The following SDCCAG8 variants were observed in gnomAD, a reference collection of about 807,000 sequenced individuals.
The protein encoded by SDCCAG8 is SHH signaling and ciliogenesis regulator SDCCAG8, also known as serologically defined colon cancer antigen 8.
In SDCCAG8, 74 loss-of-function variants were observed where a neutral mutation model predicts 101.8. The observed-to-expected ratio is 0.73, with a 90% CI of 0.60 to 0.88. SDCCAG8 has a LOEUF of 0.88. Among genes scored for constraint, SDCCAG8 ranks in the 40% least tolerant of loss-of-function variants. The pLI is 0.00. For missense variants in SDCCAG8, 787 were observed against 822.6 expected (o/e 0.96, Z 0.53); for synonymous variants, 281 against 292.9 (o/e 0.96, Z 0.41).
chr1:243,353,942 AT>A, intron 12 of SDCCAG8, among the ~76,000 whole-genome samples: 1 of 152,248 alleles, frequency 6.6e-6, no homozygotes, highest in Non-Finnish European at 1.5e-5. Flanking sequence ...TTAGAGTCAT[AT>A]AGGATTGTTT....
intron 6 of SDCCAG8, among the ~76,000 whole-genome samples, chr1:243,301,532 C>T (rs1050872933): frequency 3.9e-5 from 6 of 152,092 alleles, no homozygotes; most frequent in African/African-American, 1.2e-4. Flanking sequence ...GTCTGCATCC[C>T]CATTTCAAGT....
intron 17 of SDCCAG8, among the ~76,000 whole-genome samples, chr1:243,490,248 C>T (rs1434181150): frequency 6.6e-6 from 1 of 152,256 alleles, no homozygotes; most frequent in Non-Finnish European, 1.5e-5. Context: ...CACCCAGGCG[C>T]CACGGAGCTA....
At chr1:243,387,026 A>G (rs774133437) in intron 13 of SDCCAG8, among the ~76,000 whole-genome samples, 1 of 152,214 alleles carries the variant, frequency 6.6e-6, no homozygotes, top group Non-Finnish European at 1.5e-5. Flanking sequence ...TATTTTTGAC[A>G]TGTCCAAATA....
intron 12 of SDCCAG8, among the ~76,000 whole-genome samples, chr1:243,364,847 G>A (rs2076907836): frequency 6.6e-6 from 1 of 151,792 alleles, no homozygotes; most frequent in Non-Finnish European, 1.5e-5. Flanking sequence ...GAAATAGTAT[G>A]TATGGCTTTA....
chr1:243,291,876 C>T (rs760401918), intron 5 of SDCCAG8, among the ~76,000 whole-genome samples: 8 of 152,176 alleles, frequency 5.3e-5, no homozygotes, highest in Non-Finnish European at 8.8e-5. Context: ...TCTTGGTTAT[C>T]CACAATTCTG....
At chr1:243,392,742 A>C (rs550445527) in intron 13 of SDCCAG8, among the ~76,000 whole-genome samples, 1 of 152,218 alleles carries the variant, frequency 6.6e-6, no homozygotes, top group African/African-American at 2.4e-5. Context: ...TAACTAATCA[A>C]CTTTTTAGAT....
chr1:243,277,701 T>C (rs1208545760), intron 4 of SDCCAG8, among the ~76,000 whole-genome samples: 1 of 152,234 alleles, frequency 6.6e-6, no homozygotes, highest in Non-Finnish European at 1.5e-5. Context: ...CTTTTAACTT[T>C]GTGTTTAAAA....
chr1:243,261,372 G>A (rs1443220313), intron 1 of SDCCAG8, among the ~76,000 whole-genome samples: 1 of 152,216 alleles, frequency 6.6e-6, no homozygotes, highest in Non-Finnish European at 1.5e-5. Flanking sequence ...GGAAATGAGA[G>A]TAAGGAGTTG....
At chr1:243,461,787 G>A (rs764370655) in intron 16 of SDCCAG8, among the ~76,000 whole-genome samples, 1 of 152,228 alleles carries the variant, frequency 6.6e-6, no homozygotes, top group East Asian at 1.9e-4. Flanking sequence ...TTAGCGTCAA[G>A]GGAGGTGTTT....
Position 243,413,156 on chromosome 1 carries a change from A to G in SDCCAG8, c.1617-2546A>G, listed in dbSNP as rs375254278. ...TTTTAAATTGTTTTATTTTATAAAA[A>G]GGACTTCAATTATGACAGTAGTTCT... On this transcript the variant is annotated intron_variant, in intron 13 of 17. Coordinates refer to ENST00000366541, the MANE Select transcript of SDCCAG8 (RefSeq NM_006642.5). Among the ~76,000 whole-genome samples, 296 of 152,336 alleles carry G rather than the reference A, an allele frequency of 1.9e-3. 3 individuals carry two copies. The highest frequency in any genetic ancestry group is 6.8e-3 in the African/African-American group (283 of 41,592).
chr1:243,262,541 G>A (rs1300143634), intron 1 of SDCCAG8, among the ~76,000 whole-genome samples: 2 of 152,202 alleles, frequency 1.3e-5, no homozygotes, highest in African/African-American at 4.8e-5. Context: ...AACCAGAAAA[G>A]AAATGAGTGT....
In SDCCAG8 at chr1:243,378,880, T is replaced by C. The variant is rs1459087420; in HGVS notation, c.1616+17T>C. The C allele has an allele frequency of 6.2e-7, 1 of 1,613,954 alleles. No individual in the cohort carries two copies. Among genetic ancestry groups the C allele is most frequent in the East Asian group, 2.2e-5 (1 of 44,886 alleles). On this transcript the variant is annotated intron_variant, in intron 13 of 17. Coordinates refer to ENST00000366541, the MANE Select transcript of SDCCAG8 (RefSeq NM_006642.5). ...CCTCACCAGGTACTCCCTAATCCCA[T>C]TATGCGCCATAGCACCGATTTCATT...
Position 243,394,572 on chromosome 1 carries a change from A to T in SDCCAG8, c.1616+15709A>T, listed in dbSNP as rs924989384. 2.0e-5 allele frequency among the ~76,000 whole-genome samples: 3 copies of T among 148,732 alleles called. No homozygotes were observed. In the South Asian group the frequency reaches 6.2e-4, roughly 31 times the overall value. ...TCATAAATATATAGGCAGAAAAACA[A>T]ATAAACCAGAGAAAATTACAGTATT... On this transcript the variant is annotated intron_variant, in intron 13 of 17. Coordinates refer to ENST00000366541, the MANE Select transcript of SDCCAG8 (RefSeq NM_006642.5).
At chr1:243,348,075 G>T (rs912213781) in intron 12 of SDCCAG8, among the ~76,000 whole-genome samples, 5 of 119,106 alleles carry the variant, frequency 4.2e-5, no homozygotes, top group African/African-American at 1.6e-4. Context: ...TCCCTCTGTC[G>T]CCCAGGCTGG....
rs1298150302 is a variant in SDCCAG8, at chr1:243,330,681, A to G, written c.1210A>G (p.Met404Val). 5.6e-6 allele frequency: 9 copies of G among 1,614,014 alleles called. No individual in the cohort carries two copies. Among genetic ancestry groups the G allele is most frequent in the African/African-American group, 4.0e-5 (3 of 74,924 alleles). Residue 404 changes from methionine to valine, a missense_variant, in exon 10 of 18, where the codon ATG (methionine) becomes GTG (valine). Met to Val is a conservative substitution (Grantham distance 21, BLOSUM62 1). Transcript: ENST00000366541. Reference sequence around the variant, plus strand: ...GGAAATAACGAAAGAAAGGGAGTACATGGGATCAAAGGTACTTAAGGACTC... The same window carrying G: ...GGAAATAACGAAAGAAAGGGAGTACGTGGGATCAAAGGTACTTAAGGACTC... ...KKEITKEREYMGSKMLILSQN... is the reference protein window; with the variant it reads ...KKEITKEREYVGSKMLILSQN...
At chr1:243,460,694 G>A (rs1479438950) in intron 16 of SDCCAG8, among the ~76,000 whole-genome samples, 1 of 152,210 alleles carries the variant, frequency 6.6e-6, no homozygotes, top group East Asian at 1.9e-4. Flanking sequence ...CTGGAGATGG[G>A]CATTGACTTA....
At chr1:243,463,964 G>C (rs1269533025) in intron 16 of SDCCAG8, among the ~76,000 whole-genome samples, 2 of 152,196 alleles carry the variant, frequency 1.3e-5, no homozygotes, top group Non-Finnish European at 2.9e-5. Context: ...CCATTGGCTA[G>C]AGAGACGGCT....
intron 10 of SDCCAG8, among the ~76,000 whole-genome samples, chr1:243,340,227 C>T (rs1349237299): frequency 6.6e-6 from 1 of 152,088 alleles, no homozygotes; most frequent in Non-Finnish European, 1.5e-5. Context: ...TTGAGGTACA[C>T]AGAGGTTGTG....
At chr1:243,307,786 G>A (rs1306642879) in intron 7 of SDCCAG8, 8 of 1,442,284 alleles carry the variant, frequency 5.5e-6, no homozygotes, top group Non-Finnish European at 7.2e-6. Flanking sequence ...ATTTATTCCA[G>A]TCTCATCATA....
Sources: gnomAD v4.1 joint callset for allele counts (sites outside exome capture counted in the v4.1 genomes callset) on GRCh38, gnomAD v4.1.1 for gene constraint, MANE v1.5 for transcripts, NCBI Gene and HGNC (gene_info 2026-07-23, HGNC 2026-07-21) for gene names.